FHOD3: variants seen among roughly 807,000 people sequenced by gnomAD.
The protein encoded by FHOD3 is formin homology 2 domain containing 3, also known as FH1/FH2 domain-containing protein 3.
Under a neutral mutation model 173.0 loss-of-function variants are expected in FHOD3, and 90 were observed. That is an observed-to-expected ratio of 0.52 (90% CI 0.44 to 0.62). The LOEUF is 0.62. FHOD3 is among the 20% of genes least tolerant of loss of function. The probability of loss-of-function intolerance (pLI) is 0.00; values close to 1 mark genes in which losing one functional copy is unlikely to be tolerated. For missense variants in FHOD3, 1,945 were observed against 2,034.7 expected (o/e 0.96, Z 0.85); for synonymous variants, 828 against 823.0 (o/e 1.01, Z -0.10).
chr18:36,340,133 A>G (rs2045538052), intron 1 of FHOD3, among the ~76,000 whole-genome samples: 1 of 152,234 alleles, frequency 6.6e-6, no homozygotes, highest in African/African-American at 2.4e-5. Flanking sequence ...GGATTTTTAA[A>G]TATAAAGCAA....
At chr18:36,448,138 T>C (rs1285030525) in intron 3 of FHOD3, among the ~76,000 whole-genome samples, 1 of 152,248 alleles carries the variant, frequency 6.6e-6, no homozygotes, top group Non-Finnish European at 1.5e-5. Flanking sequence ...TTCATTTCAC[T>C]CTAAGCTTCT....
intron 16 of FHOD3, among the ~76,000 whole-genome samples, chr18:36,688,396 G>C (rs149496418): frequency 1.3e-5 from 2 of 152,172 alleles, no homozygotes; most frequent in Non-Finnish European, 2.9e-5. Flanking sequence ...AGTGGAGACT[G>C]CCTGTCTTCA....
At chr18:36,693,558 G>A in intron 17 of FHOD3, 135 bp downstream of exon 17, 1 of 807,030 alleles carries the variant, frequency 1.2e-6, no homozygotes. Flanking sequence ...GGGGAGGGGG[G>A]TTGTGACTGC....
chr18:36,301,757 A>G (rs967168129), intron 1 of FHOD3, among the ~76,000 whole-genome samples: 1 of 152,260 alleles, frequency 6.6e-6, no homozygotes, highest in Non-Finnish European at 1.5e-5. Context: ...ACTGGCATTT[A>G]ATGATCTAAG....
At chr18:36,695,929 G>A (rs1206534022) in intron 17 of FHOD3, among the ~76,000 whole-genome samples, 3 of 152,196 alleles carry the variant, frequency 2.0e-5, no homozygotes, top group Non-Finnish European at 4.4e-5. Flanking sequence ...TCTGGAGGAA[G>A]AATTAAAAAT....
chr18:36,496,825 A>G (rs1414217706), intron 3 of FHOD3, among the ~76,000 whole-genome samples: 1 of 152,196 alleles, frequency 6.6e-6, no homozygotes, highest in Non-Finnish European at 1.5e-5. Context: ...ATGAAACATC[A>G]CTGCTAGCCA....
intron 3 of FHOD3, among the ~76,000 whole-genome samples, chr18:36,452,262 A>G (rs2051902022): frequency 6.6e-6 from 1 of 152,138 alleles, no homozygotes. Context: ...AGAATCTAAC[A>G]GTAGTTTTTC....
chr18:36,515,148 G>A (rs527859167), intron 5 of FHOD3, among the ~76,000 whole-genome samples: 10 of 152,314 alleles, frequency 6.6e-5, no homozygotes, highest in Non-Finnish European at 8.8e-5. Flanking sequence ...AGATGATGTT[G>A]ATACAGGGAA....
At chr18:36,639,393 C>T (rs994785252) in intron 10 of FHOD3, among the ~76,000 whole-genome samples, 5 of 151,974 alleles carry the variant, frequency 3.3e-5, no homozygotes, top group Non-Finnish European at 5.9e-5. Flanking sequence ...ACAAAAAAGG[C>T]AGGGTGTGGT....
intron 6 of FHOD3, among the ~76,000 whole-genome samples, chr18:36,592,697 G>A (rs2059263998): frequency 6.6e-6 from 1 of 152,200 alleles, no homozygotes; most frequent in Non-Finnish European, 1.5e-5. Flanking sequence ...TGGAGATGGG[G>A]TGAGGGAAGT....
intron 14 of FHOD3, among the ~76,000 whole-genome samples, chr18:36,680,478 A>G (rs527897890): frequency 7.1e-4 from 108 of 152,342 alleles, no homozygotes; most frequent in African/African-American, 2.5e-3. Context: ...GAAGGCCTCA[A>G]TTGTCCATAA....
chr18:36,689,412 T>C (rs1042555138), intron 16 of FHOD3, among the ~76,000 whole-genome samples: 1 of 152,178 alleles, frequency 6.6e-6, no homozygotes, highest in Non-Finnish European at 1.5e-5. Context: ...ATCATGTAAC[T>C]GTAACAAGAT....
intron 3 of FHOD3, among the ~76,000 whole-genome samples, chr18:36,380,803 C>T (rs1449683734): frequency 6.6e-6 from 1 of 151,966 alleles, no homozygotes; most frequent in Non-Finnish European, 1.5e-5. Context: ...TCCTGTCTAC[C>T]TCAGCCATTA....
intron 7 of FHOD3, among the ~76,000 whole-genome samples, chr18:36,596,178 G>A (rs1197793936): frequency 1.3e-5 from 2 of 151,862 alleles, no homozygotes; most frequent in African/African-American, 2.4e-5. Context: ...TTTTTGAGAC[G>A]GAGTCTTGCT....
At chr18:36,533,665 C>T (rs761534228) in intron 5 of FHOD3, among the ~76,000 whole-genome samples, 8 of 152,144 alleles carry the variant, frequency 5.3e-5, no homozygotes, top group African/African-American at 9.7e-5. Context: ...AATCTGGAGG[C>T]CTTCTGGGAA....
At chr18:36,311,587 G>T (rs1214134108) in intron 1 of FHOD3, among the ~76,000 whole-genome samples, 1 of 152,162 alleles carries the variant, frequency 6.6e-6, no homozygotes, top group African/African-American at 2.4e-5. Flanking sequence ...CAGGTGCCAT[G>T]TGCAATGGTG....
chr18:36,510,069 T>C (rs1446150412), intron 4 of FHOD3, among the ~76,000 whole-genome samples: 1 of 152,202 alleles, frequency 6.6e-6, no homozygotes, highest in Non-Finnish European at 1.5e-5. Flanking sequence ...CCATCATCTC[T>C]CATGTTTTCT....
intron 1 of FHOD3, among the ~76,000 whole-genome samples, chr18:36,343,229 A>T (rs1214918377): frequency 6.6e-6 from 1 of 152,254 alleles, no homozygotes; most frequent in Non-Finnish European, 1.5e-5. Context: ...AGTATTATTC[A>T]TAGTAGCCAA....
chr18:36,770,145 G>A (rs1413526380), intron 28 of FHOD3, among the ~76,000 whole-genome samples: 1 of 152,194 alleles, frequency 6.6e-6, no homozygotes, highest in East Asian at 1.9e-4. Context: ...CTCCCTGCAT[G>A]AGCTGTGGCC....
Sources: allele counts gnomAD v4.1 joint callset (sites outside exome capture counted in the v4.1 genomes callset), GRCh38; gene constraint gnomAD v4.1.1; transcripts MANE v1.5; gene names NCBI Gene and HGNC (gene_info 2026-07-23, HGNC 2026-07-21).